The following PPM1B variants were observed in gnomAD, a reference collection of about 807,000 sequenced individuals.
The protein encoded by PPM1B is protein phosphatase 1B.
PPM1B carries 22 observed loss-of-function variants against 43.0 expected under a neutral mutation model. The ratio of observed to expected loss-of-function variants is 0.51; its 90% CI spans 0.37 to 0.73. The LOEUF (loss-of-function observed/expected upper bound fraction) is 0.73. PPM1B is among the 30% of genes least tolerant of loss of function. The pLI, the probability that PPM1B is intolerant of heterozygous loss-of-function variation, is 0.00. For missense variants in PPM1B, 632 were observed against 584.2 expected, an observed-to-expected ratio of 1.08 and a Z score of -0.84; for synonymous variants, 217 against 197.9, an observed-to-expected ratio of 1.10 and a Z score of -0.81.
Position 44,176,220 on chromosome 2 carries a change from G to A in PPM1B, c.-15+6946G>A, listed in dbSNP as rs545293809. On this transcript the variant is annotated intron_variant, in intron 1 of 5. Transcript: ENST00000282412. The stretch of plus-strand genomic sequence containing the variant: ...TAGATGAGTTCCTGGAAAGGAGGAT[G>A]GGAGTAAAGGTGGAACAATAGGAGA... Among the ~76,000 whole-genome samples, 131 of 152,300 alleles carry A rather than the reference G, an allele frequency of 8.6e-4. 1 individual carries two copies. In the South Asian group the frequency reaches 0.025, roughly 29 times the overall value.
At chr2:44,210,648 TC>T (rs1162941925) in intron 3 of PPM1B, among the ~76,000 whole-genome samples, 1 of 152,144 alleles carries the variant, frequency 6.6e-6, no homozygotes, top group Non-Finnish European at 1.5e-5. Flanking sequence ...ATATATACTT[TC>T]TGTAACATTC....
intron 3 of PPM1B, among the ~76,000 whole-genome samples, chr2:44,217,597 G>A (rs570334993): frequency 1.6e-4 from 25 of 152,048 alleles, no homozygotes; most frequent in African/African-American, 5.8e-4. Flanking sequence ...AGCTGTTACT[G>A]TATTCATCAA....
intron 5 of PPM1B, chr2:44,230,123 T>A (rs1163184374): frequency 2.7e-6 from 4 of 1,468,126 alleles, no homozygotes; most frequent in Non-Finnish European, 3.6e-6. Context: ...TAGGAAATGC[T>A]TGTGTTGCTG....
At chr2:44,189,079 C>A (rs1406160385) in intron 1 of PPM1B, among the ~76,000 whole-genome samples, 1 of 152,076 alleles carries the variant, frequency 6.6e-6, no homozygotes, top group African/African-American at 2.4e-5. Context: ...ACCATATTGC[C>A]CAGGCTGGTC....
At chr2:44,227,923 T>A (rs896098811) in intron 5 of PPM1B, among the ~76,000 whole-genome samples, 2 of 21,224 alleles carry the variant, frequency 9.4e-5, no homozygotes, top group Non-Finnish European at 1.6e-4. Context: ...TTTTCTTTTC[T>A]TTTTTTTTTT....
intron 2 of PPM1B, among the ~76,000 whole-genome samples, chr2:44,206,960 C>A (rs1190400686): frequency 6.6e-6 from 1 of 152,090 alleles, no homozygotes; most frequent in African/African-American, 2.4e-5. Flanking sequence ...ATTCATATAA[C>A]CAAACACATA....
At chr2:44,177,373 A>G (rs1316605820) in intron 1 of PPM1B, among the ~76,000 whole-genome samples, 1 of 149,508 alleles carries the variant, frequency 6.7e-6, no homozygotes, top group Admixed American at 6.7e-5. Flanking sequence ...GTTTCTATTC[A>G]TCTGTTCTGG....
At position 44,169,141 on chromosome 2, in the gene PPM1B, C is replaced by CGGAGGCGGA; in HGVS notation, c.-140_-139insAGGAGGCGG. The CGGAGGCGGA allele has an allele frequency of 3.9e-5, 1 of 25,402 alleles. No homozygotes were observed. The highest frequency in any genetic ancestry group is 7.2e-5 in the Non-Finnish European group (1 of 13,932). The allele number at this position is 25,402 out of a possible 1,614,324, so 1.6% of individuals were successfully genotyped here. On this transcript the variant is annotated 5_prime_UTR_variant, in exon 1 of 6. Coordinates refer to ENST00000282412, the MANE Select transcript of PPM1B (RefSeq NM_002706.6). ...AGGGGCCGGGCGGTGTAAACAGCCC[C>CGGAGGCGGA]GGAGGCGGCGGTCGAGACCCCGAGG...
At chr2:44,206,461 A>G (rs532037689) in intron 2 of PPM1B, among the ~76,000 whole-genome samples, 1 of 152,360 alleles carries the variant, frequency 6.6e-6, no homozygotes, top group African/African-American at 2.4e-5. Flanking sequence ...CATGCCTGAG[A>G]TGTAAATATA....
At chr2:44,212,673 G>A (rs573749767) in intron 3 of PPM1B, among the ~76,000 whole-genome samples, 3 of 151,714 alleles carry the variant, frequency 2.0e-5, no homozygotes, top group Non-Finnish European at 4.4e-5. Context: ...ATGTATTCCA[G>A]TTCATCCTAG....
chr2:44,170,596 GA>G (rs1667287968), intron 1 of PPM1B, among the ~76,000 whole-genome samples: 1 of 152,208 alleles, frequency 6.6e-6, no homozygotes, highest in African/African-American at 2.4e-5. Context: ...AGGAGATGGA[GA>G]AACATGCCAT....
intron 5 of PPM1B, among the ~76,000 whole-genome samples, chr2:44,222,500 G>A (rs908922042): frequency 1.3e-5 from 2 of 152,160 alleles, no homozygotes; most frequent in Admixed American, 1.3e-4. Flanking sequence ...AATTTTCCAA[G>A]GGTAAAGTTG....
chr2:44,232,223 A>G, downstream of PPM1B: 2 of 1,521,026 alleles, frequency 1.3e-6, no homozygotes, highest in Admixed American at 2.1e-5. Context: ...AAGGAAGGTA[A>G]TTTGTTCATC....
At chr2:44,220,696 G>A (rs575867079) in intron 5 of PPM1B, among the ~76,000 whole-genome samples, 7 of 152,284 alleles carry the variant, frequency 4.6e-5, no homozygotes, top group African/African-American at 1.7e-4. Context: ...AAAATATTTC[G>A]TATAGCTTGG....
chr2:44,205,248 A>G lies in PPM1B; in HGVS notation c.846+3203A>G, dbSNP rs1212797393. Reference sequence around the variant, plus strand: ...TCCATAAGTCATATACTTGGTGAGTATTGAGGCTGAGACTAGTTTTCTGAC... The same window carrying G: ...TCCATAAGTCATATACTTGGTGAGTGTTGAGGCTGAGACTAGTTTTCTGAC... On this transcript the variant is annotated intron_variant, in intron 2 of 5. Coordinates refer to ENST00000282412, the MANE Select transcript of PPM1B (RefSeq NM_002706.6). 2.0e-5 allele frequency among the ~76,000 whole-genome samples: 3 copies of G among 152,110 alleles called. No individual in the cohort carries two copies. The East Asian group carries it at 5.8e-4, about 29-fold the overall frequency.
downstream of PPM1B, among the ~76,000 whole-genome samples, chr2:44,237,731 T>C (rs1374599422): frequency 6.6e-6 from 1 of 152,194 alleles, no homozygotes; most frequent in Non-Finnish European, 1.5e-5. Flanking sequence ...AACATTCACC[T>C]ATAATGCATT....
chr2:44,226,932 T>TTTTATTTA (rs566508514), intron 5 of PPM1B, among the ~76,000 whole-genome samples: 27,744 of 134,766 alleles, frequency 0.21, 3,116 homozygotes, highest in Middle Eastern at 0.35. Context: ...ATGGGAAACT[T>TTTTATTTA]TTTATTTATT....
At chr2:44,208,087 A>G (rs1669279873) in intron 2 of PPM1B, among the ~76,000 whole-genome samples, 1 of 150,796 alleles carries the variant, frequency 6.6e-6, no homozygotes, top group Non-Finnish European at 1.5e-5. Flanking sequence ...ATGGGGTTTC[A>G]CCATGTTAGT....
Position 44,217,946 on chromosome 2 carries a change from CT to C in PPM1B, c.965-14del, listed in dbSNP as rs780040577. The C allele has an allele frequency of 1.3e-6, 2 of 1,538,356 alleles. No homozygotes were observed. The highest frequency in any genetic ancestry group is 2.1e-5 in the Admixed American group (1 of 47,138). On this transcript the variant is annotated intron_variant, in intron 3 of 5. Coordinates refer to ENST00000282412, the MANE Select transcript of PPM1B (RefSeq NM_002706.6). ...CTGGCTTATCACATTAATTTAGGAA[CT>C]TTTTTTAAAAAACCTACAGAGATTA...
Sources: allele counts gnomAD v4.1 joint callset (sites outside exome capture counted in the v4.1 genomes callset), GRCh38; gene constraint gnomAD v4.1.1; transcripts MANE v1.5; gene names NCBI Gene and HGNC (gene_info 2026-07-23, HGNC 2026-07-21).